Variants in ZNF613 observed in about 807,000 individuals in gnomAD.
ZNF613 encodes zinc finger protein 613.
In ZNF613, 8 loss-of-function variants were observed where a neutral mutation model predicts 14.3. That is an observed-to-expected ratio of 0.56 (90% confidence interval 0.33 to 1.01). ZNF613 has a LOEUF of 1.01. Among genes scored for constraint, ZNF613 ranks in the 50% least tolerant of loss-of-function variants. The pLI is 0.03. For missense variants in ZNF613, 656 were observed against 741.9 expected (o/e 0.88, Z 1.35); for synonymous variants, 228 against 254.5 (o/e 0.90, Z 0.99).
chr19:51,936,933 G>A (rs1599905708), intron 3 of ZNF613, among the ~76,000 whole-genome samples: 1 of 152,164 alleles, frequency 6.6e-6, no homozygotes, highest in African/African-American at 2.4e-5. Flanking sequence ...GCTGGAGATT[G>A]AGTTCAGTCA....
At chr19:51,935,866 T>C (rs944114813) in intron 2 of ZNF613, among the ~76,000 whole-genome samples, 162 bp from the exon 3 acceptor site, 2 of 152,176 alleles carry the variant, frequency 1.3e-5, no homozygotes, top group African/African-American at 2.4e-5. Flanking sequence ...ATCTTATGTT[T>C]TGTTGCTCCA....
chr19:51,927,689 G>A (rs571266782), intron 1 of ZNF613, 149 bp downstream of exon 1: 13 of 153,276 alleles, frequency 8.5e-5, no homozygotes, highest in African/African-American at 3.1e-4. Flanking sequence ...CAGCCCTGAG[G>A]GATCCCAGTG....
At chr19:51,929,578 A>G (rs976076277) in intron 1 of ZNF613, among the ~76,000 whole-genome samples, 154 bp from the exon 2 acceptor site, 1 of 152,226 alleles carries the variant, frequency 6.6e-6, no homozygotes, top group African/African-American at 2.4e-5. Flanking sequence ...AAAAACTTTC[A>G]AACATATAAC....
chr19:51,944,390 T>C lies in ZNF613; in HGVS notation c.507T>C (p.His169=). The change falls in exon 6 of 6, where the codon CAT becomes CAC. Residue 169 remains histidine (H), a synonymous_variant. Transcript: ENST00000293471. ...GGAAATCCTTCCTTCATGCCAAGCA[T>C]GAACAATTTCATAATGAAATGAACT... is the stretch of plus-strand genomic sequence containing the variant. ...GDGKSFLHAK[H]EQFHNEMNFP... is the part of the protein sequence containing the mutation. 1 of 1,605,742 alleles carries C rather than the reference T, an allele frequency of 6.2e-7. No individual in the cohort carries two copies. Among genetic ancestry groups the C allele is most frequent in the Non-Finnish European group, 8.5e-7 (1 of 1,173,432 alleles).
At chr19:51,932,791 T>A (rs1447567682) in intron 2 of ZNF613, among the ~76,000 whole-genome samples, 1 of 150,862 alleles carries the variant, frequency 6.6e-6, no homozygotes, top group Non-Finnish European at 1.5e-5. Context: ...TTCTCATACC[T>A]CAGCCACCCT....
intron 3 of ZNF613, among the ~76,000 whole-genome samples, chr19:51,938,667 A>G (rs1007659416): frequency 1.3e-5 from 2 of 150,616 alleles, no homozygotes; most frequent in Non-Finnish European, 2.9e-5. Context: ...GTTCAAAGCC[A>G]GTTCTTACAC....
In ZNF613 at chr19:51,936,102, C is replaced by A; in HGVS notation, c.-119C>A. ...GAGGTTCCAGGACCTGGATACCATC[C>A]TTTGCAGGGATGTAATTCACCAGAG... is the stretch of plus-strand genomic sequence containing the variant. On this transcript the variant is annotated 5_prime_UTR_variant, in exon 3 of 6. Transcript: ENST00000293471. The A allele has an allele frequency of 2.8e-6, 3 of 1,075,058 alleles. No individual in the cohort carries two copies. The highest frequency in any genetic ancestry group is 2.7e-6 in the Non-Finnish European group (2 of 747,076). The allele number at this position is 1,075,058 out of a possible 1,614,324, so 66.6% of individuals were successfully genotyped here. A position where few individuals can be genotyped will look rare whatever the true frequency, so the allele number is the denominator to read the frequency against.
In ZNF613 at chr19:51,936,127, G is replaced by T; in HGVS notation, c.-94G>T. The T allele has an allele frequency of 7.3e-7, 1 of 1,373,638 alleles. No homozygotes were observed. Among genetic ancestry groups the T allele is most frequent in the South Asian group, 1.4e-5 (1 of 71,276 alleles). 85.1% of individuals were successfully genotyped at this position (1,373,638 alleles called of 1,614,324 possible). On this transcript the variant is annotated 5_prime_UTR_variant, in exon 3 of 6. Coordinates refer to ENST00000293471, the MANE Select transcript of ZNF613 (RefSeq NM_001031721.4). ...CTTTGCAGGGATGTAATTCACCAGA[G>T]ACCAAGATTTCTAGCCAGAAATTGA...
Position 51,936,179 on chromosome 19 carries a change from A to G in ZNF613, c.-42A>G. 1 of 1,593,482 alleles carries G rather than the reference A, an allele frequency of 6.3e-7. No individual in the cohort carries two copies. Among genetic ancestry groups the G allele is most frequent in the Non-Finnish European group, 8.5e-7 (1 of 1,171,042 alleles). The stretch of plus-strand genomic sequence containing the variant: ...GGCAGCTCAAGGAGAGACTACAGAC[A>G]CAGCATCCTACTTACTGGCTATTTC... On this transcript the variant is annotated 5_prime_UTR_variant, in exon 3 of 6. Coordinates refer to ENST00000293471, the MANE Select transcript of ZNF613 (RefSeq NM_001031721.4).
At chr19:51,934,499 T>TGAAAAAAA in intron 2 of ZNF613, among the ~76,000 whole-genome samples, 1 of 152,198 alleles carries the variant, frequency 6.6e-6, no homozygotes, top group Non-Finnish European at 1.5e-5. Context: ...AAATAATACA[T>TGAAAAAAA]AGTCTTATTT....
chr19:51,944,371 C>T lies in ZNF613; in HGVS notation c.488C>T (p.Ser163Phe), dbSNP rs33998555. ...GTGGGGGTTAATGGAGATGGGAAAT[C>T]CTTCCTTCATGCCAAGCATGAACAA... is the stretch of plus-strand genomic sequence containing the variant. ...NSVGVNGDGK[S>F]FLHAKHEQFH... is the part of the protein sequence containing the mutation. The change falls in exon 6 of 6, where the codon TCC becomes TTC. Residue 163 changes from serine to phenylalanine, a missense_variant. Ser to Phe is a radical substitution (Grantham distance 155, BLOSUM62 -2). Coordinates refer to ENST00000293471, the MANE Select transcript of ZNF613 (RefSeq NM_001031721.4). 0.02 allele frequency: 32,112 copies of T among 1,601,408 alleles called. 435 individuals are homozygous for T. Among genetic ancestry groups the T allele is most frequent in the South Asian group, 0.023 (2,108 of 90,320 alleles).
At chr19:51,932,023 G>A (rs1568463611) in intron 2 of ZNF613, among the ~76,000 whole-genome samples, 2 of 152,184 alleles carry the variant, frequency 1.3e-5, no homozygotes, top group Admixed American at 1.3e-4. Context: ...GAGATAGAGA[G>A]AAGGGGGGGT....
chr19:51,934,950 C>T lies in ZNF613; in HGVS notation c.-193-1078C>T, dbSNP rs79250394. 6.3e-3 allele frequency among the ~76,000 whole-genome samples: 959 copies of T among 152,274 alleles called. 9 individuals are homozygous for T. The highest frequency in any genetic ancestry group is 0.021 in the African/African-American group (859 of 41,550). On this transcript the variant is annotated intron_variant, in intron 2 of 5. Transcript: ENST00000293471. ...TGTGAAACATCTCTTGCCACAATTA[C>T]GTGCTTCTGAGATTGCAGAGGGAAG...
chr19:51,938,752 G>A (rs111946033), intron 3 of ZNF613, among the ~76,000 whole-genome samples: 10,249 of 97,338 alleles, frequency 0.11, 562 homozygotes, highest in African/African-American at 0.29. Flanking sequence ...ATATATATAT[G>A]TGCAATATGC....
intron 2 of ZNF613, among the ~76,000 whole-genome samples, chr19:51,934,247 G>C (rs983011976): frequency 6.6e-6 from 1 of 151,986 alleles, no homozygotes; most frequent in Non-Finnish European, 1.5e-5. Flanking sequence ...TTTTTCGATA[G>C]AGGGACGGAC....
intron 5 of ZNF613, among the ~76,000 whole-genome samples, chr19:51,943,449 A>T (rs1479340205): frequency 6.6e-6 from 1 of 152,150 alleles, no homozygotes; most frequent in Non-Finnish European, 1.5e-5. Context: ...TACCCTACCC[A>T]CCTGTGTCAC....
intron 3 of ZNF613, 105 bp from the exon 4 acceptor site, chr19:51,940,104 A>C: frequency 7.1e-7 from 1 of 1,414,632 alleles, no homozygotes; most frequent in Non-Finnish European, 9.9e-7. Flanking sequence ...ACCTAGATAT[A>C]TAGATGCAGA....
intron 3 of ZNF613, among the ~76,000 whole-genome samples, chr19:51,938,185 C>CA (rs61522515): frequency 0.18 from 27,313 of 152,030 alleles, 3,371 homozygotes; most frequent in African/African-American, 0.35. Flanking sequence ...CTGGTAGGGT[C>CA]ATCCAGGAAT....
chr19:51,945,200 G>A lies in ZNF613; in HGVS notation c.1317G>A (p.Gln439=). ...ATGAATGTGGGAAAGGCTTCAGCCAGAAGACATGTTTAATATCCCATCAGA... is the reference window on the plus strand; with the variant it reads ...ATGAATGTGGGAAAGGCTTCAGCCAAAAGACATGTTTAATATCCCATCAGA... ...VCNECGKGFS[Q]KTCLISHQRF... is the part of the protein sequence containing the mutation. The change falls in exon 6 of 6, where the codon CAG becomes CAA. Residue 439 remains glutamine (Q), a synonymous_variant. Coordinates refer to ENST00000293471, the MANE Select transcript of ZNF613 (RefSeq NM_001031721.4). 6.2e-7 allele frequency: 1 copy of A among 1,614,188 alleles called. No individual in the cohort carries two copies. Among genetic ancestry groups the A allele is most frequent in the Non-Finnish European group, 8.5e-7 (1 of 1,180,032 alleles).
Sources: gnomAD v4.1 joint callset for allele counts (sites outside exome capture counted in the v4.1 genomes callset) on GRCh38, gnomAD v4.1.1 for gene constraint, MANE v1.5 for transcripts, NCBI Gene and HGNC (gene_info 2026-07-23, HGNC 2026-07-21) for gene names.